CAPN3: variants seen among roughly 807,000 people sequenced by gnomAD.
CAPN3 encodes the protein calpain-3.
In CAPN3, 88 loss-of-function variants were observed where a neutral mutation model predicts 114.0. The observed-to-expected ratio is 0.77, with a 90% CI of 0.65 to 0.92. The LOEUF is 0.92. Among genes scored for constraint, CAPN3 ranks in the 40% least tolerant of loss-of-function variants. CAPN3 has a pLI of 0.00. For missense variants in CAPN3, 1,028 were observed against 1,069.0 expected (o/e 0.96, Z 0.53); for synonymous variants, 386 against 382.9 (o/e 1.01, Z -0.09).
chr15:42,394,788 C>T lies in CAPN3; in HGVS notation c.1115+447C>T, dbSNP rs530969012. On this transcript the variant is annotated intron_variant, in intron 8 of 23. Coordinates refer to ENST00000397163, the MANE Select transcript of CAPN3 (RefSeq NM_000070.3). ...CATTGCTAAGATTCCCTTACCCGTG[C>T]TGTCCCTGTATAAAGGCACAAGGGC... Among the ~76,000 whole-genome samples, 37 of 152,300 alleles carry T rather than the reference C, an allele frequency of 2.4e-4. No individual in the cohort carries two copies. In the South Asian group the frequency reaches 7.5e-3, roughly 31 times the overall value.
intron 1 of CAPN3, among the ~76,000 whole-genome samples, chr15:42,376,408 A>G (rs1010754119): frequency 2.0e-5 from 3 of 152,192 alleles, no homozygotes; most frequent in African/African-American, 7.2e-5. Flanking sequence ...GTTTATATCA[A>G]TATGGACTCA....
chr15:42,405,043 TC>T (rs2053979516), intron 14 of CAPN3: 1 of 985,914 alleles, frequency 1.0e-6, no homozygotes, highest in African/African-American at 1.7e-5. Flanking sequence ...CGCTCCAGTG[TC>T]GAGGGTCAAC....
rs913092246 is a variant in CAPN3, at chr15:42,412,155, G to A, written c.*382G>A. ...TGCTAGAGCCCTCCATCACCTTCAC[G>A]CTGTCCCACCATGGGCCAGGAACCA... On this transcript the variant is annotated 3_prime_UTR_variant, in exon 24 of 24. Coordinates refer to ENST00000397163, the MANE Select transcript of CAPN3 (RefSeq NM_000070.3). 26 of 1,535,938 alleles carry A rather than the reference G, an allele frequency of 1.7e-5. No individual in the cohort carries two copies. Among genetic ancestry groups the A allele is most frequent in the Middle Eastern group, 1.7e-4 (1 of 5,978 alleles).
At position 42,411,688 on chromosome 15, in the gene CAPN3, CGGGGGGGGGGG is replaced by C; in HGVS notation, c.2440-55_2440-45del. On this transcript the variant is annotated intron_variant, in intron 23 of 23. Coordinates refer to ENST00000397163, the MANE Select transcript of CAPN3 (RefSeq NM_000070.3). Reference sequence around the variant, plus strand: ...CTCTTGCCCCGTAAGATTCCTAGGGCGGGGGGGGGGGGGGTCACTCTTTTCTGATCTACATT... The same window carrying C: ...CTCTTGCCCCGTAAGATTCCTAGGGCGGGTCACTCTTTTCTGATCTACATT... 6 of 455,374 alleles carry C rather than the reference CGGGGGGGGGGG, an allele frequency of 1.3e-5. 1 individual carries two copies. The highest frequency in any genetic ancestry group is 2.3e-5 in the Non-Finnish European group (6 of 261,326). The allele number at this position is 455,374 out of a possible 1,614,324, so 28.2% of individuals were successfully genotyped here.
intron 1 of CAPN3, among the ~76,000 whole-genome samples, chr15:42,381,517 C>T (rs116539294): frequency 0.015 from 2,218 of 152,216 alleles, 53 homozygotes; most frequent in African/African-American, 0.051. Flanking sequence ...TTTACATCCT[C>T]CCTTTAATCA....
intron 1 of CAPN3, among the ~76,000 whole-genome samples, chr15:42,360,458 A>G (rs2052613110): frequency 6.6e-6 from 1 of 152,126 alleles, no homozygotes; most frequent in African/African-American, 2.4e-5. Context: ...CTCAGAACAA[A>G]TTCCAGACAG....
intron 10 of CAPN3, among the ~76,000 whole-genome samples, chr15:42,401,193 CA>C (rs374515146): frequency 5.3e-4 from 73 of 137,316 alleles, no homozygotes; most frequent in Middle Eastern, 3.6e-3. Context: ...GACTCCGTCT[CA>C]AAAAAAAAAA....
At chr15:42,374,794 C>CTTTTTTTT (rs66487749) in intron 1 of CAPN3, among the ~76,000 whole-genome samples, 1 of 85,452 alleles carries the variant, frequency 1.2e-5, no homozygotes, top group Non-Finnish European at 2.1e-5. Context: ...TATCATGTCT[C>CTTTTTTTT]TTTTTTTTTT....
chr15:42,392,027 T>C (rs1485332888), intron 6 of CAPN3, among the ~76,000 whole-genome samples: 11 of 151,872 alleles, frequency 7.2e-5, no homozygotes, highest in South Asian at 4.2e-4. Flanking sequence ...TAGCTGAGCA[T>C]GGTGGCACGT....
chr15:42,392,512 C>T (rs1296311049), intron 6 of CAPN3, 127 bp from the exon 7 acceptor site: 9 of 741,414 alleles, frequency 1.2e-5, no homozygotes, highest in African/African-American at 1.7e-5. Context: ...GTGAGGCACA[C>T]TTTCAGGGAG....
At chr15:42,408,520 G>A (rs1203274767) in intron 16 of CAPN3, 196 bp downstream of exon 16, 4 of 584,182 alleles carry the variant, frequency 6.8e-6, no homozygotes, top group Non-Finnish European at 6.5e-6. Flanking sequence ...TCCCAGGATG[G>A]GGGTTCCATT....
At chr15:42,385,427 C>T (rs2053367516) in intron 2 of CAPN3, among the ~76,000 whole-genome samples, 1 of 151,968 alleles carries the variant, frequency 6.6e-6, no homozygotes, top group Non-Finnish European at 1.5e-5. Context: ...AGGCAGCTCT[C>T]AGTCTCCCCT....
chr15:42,399,735 C>G lies in CAPN3; in HGVS notation c.1354+83C>G, dbSNP rs2053813174. The G allele has an allele frequency of 6.9e-6, 8 of 1,164,060 alleles. No individual in the cohort carries two copies. The South Asian group carries it at 7.6e-5, about 11-fold the overall frequency. 72.1% of individuals were successfully genotyped at this position (1,164,060 alleles called of 1,614,324 possible). A position where few individuals can be genotyped will look rare whatever the true frequency, so the allele number is the denominator to read the frequency against. On this transcript the variant is annotated intron_variant, in intron 10 of 23. Coordinates refer to ENST00000397163, the MANE Select transcript of CAPN3 (RefSeq NM_000070.3). ...AGCCTAACTAGTGCTTATTAAGTCT[C>G]TCTGTTCCAGACGTCCACTATCTTA...
intron 6 of CAPN3, 148 bp downstream of exon 6, chr15:42,390,244 T>G: frequency 1.2e-6 from 1 of 863,192 alleles, no homozygotes; most frequent in South Asian, 1.5e-5. Flanking sequence ...AATAACTTGC[T>G]CAGCCAAGGC....
intron 1 of CAPN3, among the ~76,000 whole-genome samples, chr15:42,366,770 A>AC (rs929713124): frequency 1.4e-5 from 2 of 147,254 alleles, no homozygotes; most frequent in African/African-American, 5.1e-5. Flanking sequence ...GCTTGTGACG[A>AC]CCCCTAACCT....
chr15:42,366,605 A>G (rs1275139023), intron 1 of CAPN3, among the ~76,000 whole-genome samples: 2 of 152,202 alleles, frequency 1.3e-5, no homozygotes, highest in African/African-American at 2.4e-5. Context: ...AAAGATTATT[A>G]TAATTACAGA....
chr15:42,411,010 AG>A lies in CAPN3; in HGVS notation c.2380+11del, dbSNP rs1184829214. 24 of 1,594,070 alleles carry A rather than the reference AG, an allele frequency of 1.5e-5. No individual in the cohort carries two copies. In the South Asian group the frequency reaches 2.5e-4, roughly 17 times the overall value. ...CTGGAGGGCATGTTCAGTAAGTGGG[AG>A]AGGGGGGCTGCCCTCTGCTCTCTTG... On this transcript the variant is annotated intron_variant, in intron 22 of 23. Transcript: ENST00000397163.
At chr15:42,405,998 A>G in intron 15 of CAPN3, 55 bp downstream of exon 15, 1 of 1,485,420 alleles carries the variant, frequency 6.7e-7, no homozygotes, top group South Asian at 1.1e-5. Context: ...ATGTATGTGC[A>G]TGCATGTGAA....
chr15:42,371,703 C>T (rs966111307), intron 1 of CAPN3, among the ~76,000 whole-genome samples: 1 of 152,138 alleles, frequency 6.6e-6, no homozygotes, highest in Non-Finnish European at 1.5e-5. Flanking sequence ...GTGGCTCATA[C>T]CTGTAATCCC....
Sources: gnomAD v4.1 joint callset for allele counts (sites outside exome capture counted in the v4.1 genomes callset) on GRCh38, gnomAD v4.1.1 for gene constraint, MANE v1.5 for transcripts, NCBI Gene and HGNC (gene_info 2026-07-23, HGNC 2026-07-21) for gene names.